EPB41L4A: variants seen among roughly 807,000 people sequenced by gnomAD.
The protein encoded by EPB41L4A is band 4.1-like protein 4A.
EPB41L4A carries 100 observed loss-of-function variants against 108.6 expected under a neutral mutation model. The observed-to-expected ratio is 0.92, with a 90% confidence interval of 0.78 to 1.09. The LOEUF (loss-of-function observed/expected upper bound fraction) is 1.09, where lower values mean the gene tolerates loss of function less well. Ranked by LOEUF, EPB41L4A falls within the 50% of genes least tolerant of loss-of-function variation. EPB41L4A has a pLI of 0.00. For missense variants in EPB41L4A, 1,030 were observed against 842.7 expected (o/e 1.22, Z -2.75); for synonymous variants, 319 against 289.0 (o/e 1.10, Z -1.05).
chr5:112,260,749 A>G (rs1751437208), intron 7 of EPB41L4A, among the ~76,000 whole-genome samples: 1 of 152,232 alleles, frequency 6.6e-6, no homozygotes, highest in South Asian at 2.1e-4. Context: ...AGTAGATACC[A>G]AGGACATGCA....
At chr5:112,370,296 C>A (rs868675212) in intron 1 of EPB41L4A, among the ~76,000 whole-genome samples, 1 of 151,564 alleles carries the variant, frequency 6.6e-6, no homozygotes, top group African/African-American at 2.4e-5. Context: ...CTTAGCCTCC[C>A]GAAGTGTTGG....
chr5:112,184,176 G>A, intron 17 of EPB41L4A, 41 bp from the exon 18 acceptor site: 1 of 1,606,170 alleles, frequency 6.2e-7, no homozygotes, highest in Non-Finnish European at 8.5e-7. Flanking sequence ...CATCTACATG[G>A]ATGGCGCGTT....
At chr5:112,347,564 G>T (rs1168014500) in intron 1 of EPB41L4A, among the ~76,000 whole-genome samples, 1 of 152,158 alleles carries the variant, frequency 6.6e-6, no homozygotes, top group Admixed American at 6.5e-5. Flanking sequence ...CACGGTTGCT[G>T]AGTTTGTATG....
At chr5:112,212,692 A>C (rs1371891329) in intron 12 of EPB41L4A, among the ~76,000 whole-genome samples, 1 of 152,118 alleles carries the variant, frequency 6.6e-6, no homozygotes, top group Non-Finnish European at 1.5e-5. Flanking sequence ...AATGAAAAGG[A>C]GCTTCATGTC....
chr5:112,223,171 CTCTGGTGA>C (rs1748191207), intron 12 of EPB41L4A, among the ~76,000 whole-genome samples: 1 of 151,986 alleles, frequency 6.6e-6, no homozygotes, highest in Admixed American at 6.6e-5. Context: ...AACTCCTGAC[CTCTGGTGA>C]TCTGCCCGCC....
intron 12 of EPB41L4A, among the ~76,000 whole-genome samples, chr5:112,212,765 A>G (rs763378467): frequency 1.3e-5 from 2 of 152,172 alleles, no homozygotes; most frequent in East Asian, 1.9e-4. Flanking sequence ...CCCAGTGTCA[A>G]TAACACCAAC....
At chr5:112,253,259 A>G (rs766109397) in intron 9 of EPB41L4A, among the ~76,000 whole-genome samples, 1 of 152,180 alleles carries the variant, frequency 6.6e-6, no homozygotes, top group Non-Finnish European at 1.5e-5. Flanking sequence ...CCCAGATGAG[A>G]CACCTGAGAG....
At position 112,234,882 on chromosome 5, in the gene EPB41L4A, T is replaced by A. The variant is rs964839229; in HGVS notation, c.966-127A>T. ...AACACACAGACTCCCTGGTTTTTAA[T>A]TGATTCTCATTGCAATATTGATCAA... On this transcript the variant is annotated intron_variant, in intron 11 of 22. Transcript: ENST00000261486. 128 of 966,178 alleles carry A rather than the reference T, an allele frequency of 1.3e-4. 1 individual carries two copies. Among genetic ancestry groups the A allele is most frequent in the Middle Eastern group, 2.3e-4 (1 of 4,262 alleles). 59.9% of individuals were successfully genotyped at this position (966,178 alleles called of 1,614,324 possible).
intron 1 of EPB41L4A, among the ~76,000 whole-genome samples, chr5:112,384,740 AGAAAGAGAAACAAG>A (rs1370953749): frequency 1.3e-5 from 2 of 151,848 alleles, no homozygotes; most frequent in Non-Finnish European, 2.9e-5. Context: ...AAACAAAAAG[AGAAAGAGAAACAAG>A]GAAAGAGAAA....
chr5:112,244,876 C>T (rs1039681886), intron 9 of EPB41L4A, among the ~76,000 whole-genome samples: 3 of 152,050 alleles, frequency 2.0e-5, no homozygotes, highest in African/African-American at 7.2e-5. Context: ...ATCAAGCGCC[C>T]GTGCCCTTGT....
intron 1 of EPB41L4A, among the ~76,000 whole-genome samples, chr5:112,344,485 T>C (rs1004632783): frequency 1.4e-4 from 21 of 152,362 alleles, no homozygotes; most frequent in Admixed American, 1.4e-3. Context: ...CCAACTCTGA[T>C]AACAGTTTTA....
chr5:112,310,073 C>T (rs1754950962), intron 1 of EPB41L4A, among the ~76,000 whole-genome samples: 1 of 152,202 alleles, frequency 6.6e-6, no homozygotes. Flanking sequence ...GGAAGCCAGC[C>T]ATGACATCCT....
chr5:112,287,179 G>C (rs563000482), intron 2 of EPB41L4A, among the ~76,000 whole-genome samples: 1 of 152,266 alleles, frequency 6.6e-6, no homozygotes, highest in South Asian at 2.1e-4. Context: ...AGAATTCCCT[G>C]TTAATCCAAC....
intron 9 of EPB41L4A, among the ~76,000 whole-genome samples, chr5:112,247,387 A>G (rs896414661): frequency 6.6e-6 from 1 of 151,986 alleles, no homozygotes; most frequent in Non-Finnish European, 1.5e-5. Context: ...AGGACAGGCT[A>G]CCCCTGCCCC....
intron 13 of EPB41L4A, among the ~76,000 whole-genome samples, chr5:112,206,434 G>T (rs1035823581): frequency 1.3e-5 from 2 of 151,226 alleles, no homozygotes; most frequent in Non-Finnish European, 2.9e-5. Flanking sequence ...ATAAAATTTT[G>T]TATCTGACAG....
intron 15 of EPB41L4A, among the ~76,000 whole-genome samples, chr5:112,200,158 G>T (rs1277670848): frequency 6.6e-6 from 1 of 152,120 alleles, no homozygotes; most frequent in Non-Finnish European, 1.5e-5. Context: ...TTTCATGAAG[G>T]TTTCCTGCTT....
intron 1 of EPB41L4A, among the ~76,000 whole-genome samples, chr5:112,401,530 A>G (rs1490991787): frequency 6.6e-6 from 1 of 152,264 alleles, no homozygotes; most frequent in East Asian, 1.9e-4. Flanking sequence ...AAATATGTAA[A>G]TATGTATATG....
At chr5:112,200,384 A>G (rs146743429) in intron 15 of EPB41L4A, among the ~76,000 whole-genome samples, 310 of 152,302 alleles carry the variant, frequency 2.0e-3, no homozygotes, top group African/African-American at 7.2e-3. Flanking sequence ...TACACTTATG[A>G]CACGTGTACT....
rs142441379 is a variant in EPB41L4A at position 112,254,163 on chromosome 5, G to A, written c.795+5066C>T. Reference sequence around the variant, plus strand: ...ATTCATTCTTTCATTTATTTCACAAGTGTGCTTACTACATGCCAATTTCTG... The same window carrying A: ...ATTCATTCTTTCATTTATTTCACAAATGTGCTTACTACATGCCAATTTCTG... On this transcript the variant is annotated intron_variant, in intron 9 of 22. Coordinates refer to ENST00000261486, the MANE Select transcript of EPB41L4A (RefSeq NM_022140.5). Among the ~76,000 whole-genome samples, 67 of 152,304 alleles carry A rather than the reference G, an allele frequency of 4.4e-4. 1 individual carries two copies. Among genetic ancestry groups the A allele is most frequent in the African/African-American group, 1.5e-3 (64 of 41,564 alleles).
Sources: gnomAD v4.1 joint callset for allele counts (sites outside exome capture counted in the v4.1 genomes callset) on GRCh38, gnomAD v4.1.1 for gene constraint, MANE v1.5 for transcripts, NCBI Gene and HGNC (gene_info 2026-07-23, HGNC 2026-07-21) for gene names.